Variants in ARFIP1 observed in about 807,000 individuals in gnomAD.
ARFIP1 encodes ARF interacting protein 1, also known as arfaptin-1.
Under a neutral mutation model 42.5 loss-of-function variants are expected in ARFIP1, and 24 were observed. That is an observed-to-expected ratio of 0.57 (90% CI 0.41 to 0.80). ARFIP1 has a LOEUF of 0.80. Ranked by LOEUF, ARFIP1 falls within the 30% of genes least tolerant of loss-of-function variation. The pLI, the probability that ARFIP1 is intolerant of heterozygous loss-of-function variation, is 0.00. For missense variants in ARFIP1, 354 were observed against 434.0 expected (o/e 0.82, Z 1.64); for synonymous variants, 141 against 153.7 (o/e 0.92, Z 0.61).
chr4:152,814,483 G>A (rs1729718609), intron 1 of ARFIP1, among the ~76,000 whole-genome samples: 1 of 152,110 alleles, frequency 6.6e-6, no homozygotes, highest in South Asian at 2.1e-4. Context: ...GCTGAGGTGG[G>A]AGGATCATTT....
intron 2 of ARFIP1, among the ~76,000 whole-genome samples, chr4:152,841,748 G>A (rs1414159228): frequency 6.6e-6 from 1 of 152,202 alleles, no homozygotes; most frequent in East Asian, 1.9e-4. Flanking sequence ...GGTTTCTGCT[G>A]AGAAATCTGC....
At chr4:152,848,805 T>G (rs1014178529) in intron 2 of ARFIP1, among the ~76,000 whole-genome samples, 3 of 152,252 alleles carry the variant, frequency 2.0e-5, no homozygotes, top group African/African-American at 7.2e-5. Context: ...ACATCTTTTC[T>G]CCTTCAGCCA....
intron 2 of ARFIP1, among the ~76,000 whole-genome samples, chr4:152,841,677 G>T (rs564996089): frequency 5.7e-4 from 87 of 152,210 alleles, no homozygotes; most frequent in African/African-American, 1.9e-3. Flanking sequence ...AAAATTATTG[G>T]CTGATAATTG....
chr4:152,908,906 G>T (rs1039454935), intron 8 of ARFIP1, among the ~76,000 whole-genome samples: 11 of 150,216 alleles, frequency 7.3e-5, no homozygotes, highest in African/African-American at 2.7e-4. Context: ...GTGTGTGTGT[G>T]TGTGTGTGTG....
At chr4:152,852,026 A>G (rs1449773348) in intron 2 of ARFIP1, among the ~76,000 whole-genome samples, 1 of 152,232 alleles carries the variant, frequency 6.6e-6, no homozygotes, top group African/African-American at 2.4e-5. Context: ...ATTTTGTTTT[A>G]GCTTAATTGT....
chr4:152,811,417 T>C (rs1036687451), intron 1 of ARFIP1, among the ~76,000 whole-genome samples: 2 of 152,154 alleles, frequency 1.3e-5, no homozygotes, highest in Admixed American at 6.5e-5. Flanking sequence ...ATAAGTTTTA[T>C]AGAAGAGAGA....
intron 2 of ARFIP1, among the ~76,000 whole-genome samples, chr4:152,837,000 G>T (rs1161744545): frequency 6.6e-6 from 1 of 151,082 alleles, no homozygotes; most frequent in African/African-American, 2.4e-5. Context: ...TCATAGCCTA[G>T]TTCCCACATA....
At chr4:152,910,000 A>G in intron 8 of ARFIP1, 64 bp from the exon 9 acceptor site, 2 of 1,544,404 alleles carry the variant, frequency 1.3e-6, no homozygotes, top group Admixed American at 1.9e-5. Flanking sequence ...AATGTAATAA[A>G]TCACTCTCTA....
chr4:152,865,585 A>G (rs1460769727), intron 3 of ARFIP1, among the ~76,000 whole-genome samples: 2 of 152,218 alleles, frequency 1.3e-5, no homozygotes, highest in African/African-American at 4.8e-5. Flanking sequence ...TGTGAAATGA[A>G]TGGACTGTCT....
rs1737169394 is a variant in ARFIP1, at chr4:152,894,772, A to G, written c.966+6465A>G. ...TGTGAGTCATTCTCTTATTCATGCA[A>G]CTTTAATTCCAGACTTAATTTTGGC... On this transcript the variant is annotated intron_variant, in intron 8 of 8. Transcript: ENST00000353617. Among the ~76,000 whole-genome samples the G allele has an allele frequency of 1.3e-5, 2 of 152,200 alleles. 1 individual carries two copies. The highest frequency in any genetic ancestry group is 4.1e-4 in the South Asian group (2 of 4,828).
intron 6 of ARFIP1, among the ~76,000 whole-genome samples, chr4:152,882,415 G>A (rs1417615521): frequency 6.6e-6 from 1 of 152,090 alleles, no homozygotes; most frequent in East Asian, 1.9e-4. Flanking sequence ...TCCAACAGCT[G>A]TGCTTATAGT....
intron 1 of ARFIP1, among the ~76,000 whole-genome samples, chr4:152,827,634 C>G (rs1453313389): frequency 6.6e-6 from 1 of 152,144 alleles, no homozygotes; most frequent in African/African-American, 2.4e-5. Context: ...CTTTCCAGAA[C>G]ATCATATAGT....
chr4:152,891,038 A>T (rs1482742365), intron 8 of ARFIP1, among the ~76,000 whole-genome samples: 1 of 152,032 alleles, frequency 6.6e-6, no homozygotes, highest in African/African-American at 2.4e-5. Flanking sequence ...CCACCTTCTG[A>T]CTCGTAGATG....
At chr4:152,873,081 A>G (rs566093437) in intron 5 of ARFIP1, among the ~76,000 whole-genome samples, 10 of 152,362 alleles carry the variant, frequency 6.6e-5, no homozygotes, top group Non-Finnish European at 7.4e-5. Flanking sequence ...TATGCCCTCC[A>G]TAAAACAAAT....
intron 1 of ARFIP1, among the ~76,000 whole-genome samples, chr4:152,788,267 T>C (rs1002210707): frequency 8.5e-5 from 13 of 152,194 alleles, no homozygotes; most frequent in African/African-American, 3.1e-4. Context: ...ATATAAAATA[T>C]AGCAATATAG....
chr4:152,829,396 C>G (rs1479762860), intron 1 of ARFIP1, among the ~76,000 whole-genome samples: 1 of 152,070 alleles, frequency 6.6e-6, no homozygotes, highest in African/African-American at 2.4e-5. Context: ...GCCTCTGGTA[C>G]CTACAACAAA....
Position 152,780,005 on chromosome 4 carries a change from G to C in ARFIP1, c.-231G>C, listed in dbSNP as rs1209012235. On this transcript the variant is annotated 5_prime_UTR_variant, in exon 1 of 9. Coordinates refer to ENST00000353617, the MANE Select transcript of ARFIP1 (RefSeq NM_001025595.3). Reference sequence around the variant, plus strand: ...TGGTTCTGGTTCTGGAGGCTGGGTTGAGAGGTCGCCGGTCCGACTGTCCTC... The same window carrying C: ...TGGTTCTGGTTCTGGAGGCTGGGTTCAGAGGTCGCCGGTCCGACTGTCCTC... 6.6e-6 allele frequency: 1 copy of C among 152,624 alleles called. No homozygotes were observed. The highest frequency in any genetic ancestry group is 1.5e-5 in the Non-Finnish European group (1 of 68,276). 9.5% of individuals were successfully genotyped at this position (152,624 alleles called of 1,614,324 possible). A position where few individuals can be genotyped will look rare whatever the true frequency, so the allele number is the denominator to read the frequency against.
chr4:152,788,230 A>C (rs1348167940), intron 1 of ARFIP1, among the ~76,000 whole-genome samples: 2 of 152,164 alleles, frequency 1.3e-5, no homozygotes, highest in African/African-American at 2.4e-5. Context: ...ACTCCGTCTC[A>C]AAACAAAAAA....
At chr4:152,801,567 T>A (rs1728422715) in intron 1 of ARFIP1, among the ~76,000 whole-genome samples, 1 of 152,146 alleles carries the variant, frequency 6.6e-6, no homozygotes, top group Admixed American at 6.6e-5. Flanking sequence ...AATAATAGGT[T>A]TGAGAATTAC....
Sources: gnomAD v4.1 joint callset for allele counts (sites outside exome capture counted in the v4.1 genomes callset) on GRCh38, gnomAD v4.1.1 for gene constraint, MANE v1.5 for transcripts, NCBI Gene and HGNC (gene_info 2026-07-23, HGNC 2026-07-21) for gene names.